FBXW8: variants seen among roughly 807,000 people sequenced by gnomAD.
The protein encoded by FBXW8 is F-box/WD repeat-containing protein 8.
A neutral mutation model predicts 65.3 loss-of-function variants in FBXW8; 57 were observed. That is an observed-to-expected ratio of 0.87 (90% CI 0.71 to 1.09). The LOEUF is 1.09. Among genes scored for constraint, FBXW8 ranks in the 50% least tolerant of loss-of-function variants. The pLI is 0.00. For missense variants in FBXW8, 777 were observed against 814.8 expected (o/e 0.95, Z 0.57); for synonymous variants, 308 against 330.2 (o/e 0.93, Z 0.73).
intron 7 of FBXW8, among the ~76,000 whole-genome samples, chr12:116,989,648 G>A (rs1373480668): frequency 6.6e-6 from 1 of 152,200 alleles, no homozygotes; most frequent in Non-Finnish European, 1.5e-5. Context: ...TAGTCTAAAA[G>A]CTGATTTATA....
At chr12:116,996,386 A>G (rs754779811) in intron 7 of FBXW8, among the ~76,000 whole-genome samples, 5 of 152,088 alleles carry the variant, frequency 3.3e-5, no homozygotes, top group Admixed American at 6.5e-5. Context: ...ACGAGTTGAA[A>G]TATCTGTCTG....
chr12:117,028,434 A>T lies in FBXW8; in HGVS notation c.*262A>T. On this transcript the variant is annotated 3_prime_UTR_variant, in exon 11 of 11. Coordinates refer to ENST00000652555, the MANE Select transcript of FBXW8 (RefSeq NM_153348.3). The surrounding 1 kb of genome is among the most constrained non-coding windows in gnomAD (Gnocchi z 4.1). ...CCACCCAGCTGGCCACCCTGGCCTC[A>T]GCTCCCTCAGGACGCCTCAGGGATC... The T allele has an allele frequency of 1.9e-6, 1 of 515,634 alleles. No homozygotes were observed. Among genetic ancestry groups the T allele is most frequent in the East Asian group, 3.4e-5 (1 of 29,082 alleles). 31.9% of individuals were successfully genotyped at this position (515,634 alleles called of 1,614,324 possible).
chr12:117,028,260 A>ACAGGTTCAGGTGTTATGTTT lies in FBXW8; in HGVS notation c.*88_*89insCAGGTTCAGGTGTTATGTTT. On this transcript the variant is annotated 3_prime_UTR_variant, in exon 11 of 11. Transcript: ENST00000652555. This position sits in a 1 kb window ranked among gnomAD's most constrained non-coding sequence, Gnocchi z 4.1. ...CGCCAGGCACCTCTTCACAGGTGGTAAACATTTAGGGGAAGAAAGCAGCCC... is the reference window on the plus strand; with the variant it reads ...CGCCAGGCACCTCTTCACAGGTGGTACAGGTTCAGGTGTTATGTTTAACATTTAGGGGAAGAAAGCAGCCC... 1 of 1,518,356 alleles carries ACAGGTTCAGGTGTTATGTTT rather than the reference A, an allele frequency of 6.6e-7. No individual in the cohort carries two copies. The highest frequency in any genetic ancestry group is 8.9e-7 in the Non-Finnish European group (1 of 1,120,044). The allele number at this position is 1,518,356 out of a possible 1,614,324, so 94.1% of individuals were successfully genotyped here.
intron 8 of FBXW8, among the ~76,000 whole-genome samples, chr12:117,023,551 T>A (rs1349502551): frequency 6.6e-6 from 1 of 152,098 alleles, no homozygotes; most frequent in Non-Finnish European, 1.5e-5. Flanking sequence ...GAAATGGGGA[T>A]TATTATAAGG....
At chr12:116,913,900 C>G (rs898557230) in intron 1 of FBXW8, among the ~76,000 whole-genome samples, 2 of 152,136 alleles carry the variant, frequency 1.3e-5, no homozygotes, top group Non-Finnish European at 2.9e-5. Context: ...TCCTCTGCCC[C>G]CTTCAGAATC....
At chr12:116,940,996 G>A (rs1882527891) in intron 2 of FBXW8, among the ~76,000 whole-genome samples, 1 of 152,244 alleles carries the variant, frequency 6.6e-6, no homozygotes, top group South Asian at 2.1e-4. Flanking sequence ...TGACTAAGGG[G>A]AAATATGATC....
At chr12:116,923,550 C>T (rs1185060869) in intron 1 of FBXW8, among the ~76,000 whole-genome samples, 1 of 151,288 alleles carries the variant, frequency 6.6e-6, no homozygotes, top group Non-Finnish European at 1.5e-5. Context: ...GACAGAGTCT[C>T]GCTCGCTCTG....
At chr12:117,006,420 C>A (rs1441817824) in intron 7 of FBXW8, among the ~76,000 whole-genome samples, 1 of 152,248 alleles carries the variant, frequency 6.6e-6, no homozygotes, top group Non-Finnish European at 1.5e-5. Flanking sequence ...CTCCCACCCC[C>A]ACAGGGACAA....
At chr12:116,912,171 G>GTTTTT (rs57142470) in intron 1 of FBXW8, among the ~76,000 whole-genome samples, 4 of 131,020 alleles carry the variant, frequency 3.1e-5, no homozygotes, top group Non-Finnish European at 4.9e-5. Context: ...TTTTTTTCCT[G>GTTTTT]TTTTTTTTTT....
At chr12:116,912,171 G>GTTTTTTTTTTT (rs57142470) in intron 1 of FBXW8, among the ~76,000 whole-genome samples, 1 of 131,020 alleles carries the variant, frequency 7.6e-6, no homozygotes, top group Non-Finnish European at 1.6e-5. Flanking sequence ...TTTTTTTCCT[G>GTTTTTTTTTTT]TTTTTTTTTT....
At chr12:116,958,273 A>G (rs1376443515) in intron 4 of FBXW8, among the ~76,000 whole-genome samples, 1 of 152,288 alleles carries the variant, frequency 6.6e-6, no homozygotes, top group African/African-American at 2.4e-5. Context: ...AGAAAATAGT[A>G]AATACTCTTG....
intron 10 of FBXW8, 59 bp downstream of exon 10, chr12:117,027,563 C>G (rs2135730930): frequency 2.3e-6 from 3 of 1,304,540 alleles, no homozygotes; most frequent in Non-Finnish European, 3.3e-6. Flanking sequence ...GTATAGAACC[C>G]CACCCCCCCC....
At chr12:116,972,735 T>C (rs1310072373) in intron 5 of FBXW8, among the ~76,000 whole-genome samples, 2 of 152,172 alleles carry the variant, frequency 1.3e-5, no homozygotes, top group Non-Finnish European at 2.9e-5. Context: ...GGGGCTGGAT[T>C]GGAATAGGAG....
At chr12:117,008,637 T>C (rs574568061) in intron 7 of FBXW8, among the ~76,000 whole-genome samples, 6 of 152,328 alleles carry the variant, frequency 3.9e-5, no homozygotes, top group African/African-American at 1.2e-4. Context: ...GTTGACAGGA[T>C]TGATTATTTT....
At chr12:116,949,454 T>C in intron 3 of FBXW8, 164 bp from the exon 4 acceptor site, 1 of 649,684 alleles carries the variant, frequency 1.5e-6, no homozygotes. Context: ...CAGCTTAGCA[T>C]GTTAGTCATC....
chr12:116,989,324 T>C (rs931113880), intron 7 of FBXW8, among the ~76,000 whole-genome samples: 1 of 152,208 alleles, frequency 6.6e-6, no homozygotes, highest in Non-Finnish European at 1.5e-5. Flanking sequence ...GGCCCCTCAC[T>C]GGTAGGTGTT....
chr12:116,945,241 T>C (rs1309543052), intron 2 of FBXW8, 123 bp from the exon 3 acceptor site: 1 of 886,662 alleles, frequency 1.1e-6, no homozygotes, highest in Non-Finnish European at 1.7e-6. Context: ...TAGTGTTTTG[T>C]TAATGAGACA....
chr12:116,957,621 C>T (rs1349819525), intron 4 of FBXW8, among the ~76,000 whole-genome samples: 1 of 152,032 alleles, frequency 6.6e-6, no homozygotes. Flanking sequence ...AAATGTTGCC[C>T]ATATATACTT....
At chr12:116,923,702 TTTAA>T (rs200279515) in intron 1 of FBXW8, among the ~76,000 whole-genome samples, 15 of 148,898 alleles carry the variant, frequency 1.0e-4, no homozygotes, top group African/African-American at 2.2e-4. Flanking sequence ...TTTTTGTATT[TTTAA>T]TTAATTAATT....
Sources: gnomAD v4.1 joint callset for allele counts (sites outside exome capture counted in the v4.1 genomes callset) on GRCh38, gnomAD v4.1.1 for gene constraint, Gnocchi (gnomAD v3.1) non-coding constraint, MANE v1.5 for transcripts, NCBI Gene and HGNC (gene_info 2026-07-23, HGNC 2026-07-21) for gene names.